The following FRY variants were observed in gnomAD, a reference collection of about 807,000 sequenced individuals.
FRY encodes the protein protein furry homolog.
FRY carries 128 observed loss-of-function variants against 348.4 expected under a neutral mutation model. The observed-to-expected ratio is 0.37, with a 90% confidence interval of 0.32 to 0.43. FRY has a LOEUF of 0.43. Ranked by LOEUF, FRY falls within the 20% of genes least tolerant of loss-of-function variation. The pLI is 1.00. For missense variants in FRY, 2,736 were observed against 3,695.2 expected, an observed-to-expected ratio of 0.74 and a Z score of 6.73; for synonymous variants, 1,370 against 1,374.7, an observed-to-expected ratio of 1.00 and a Z score of 0.08.
chr13:32,034,933 C>T (rs374209850), intron 1 of FRY, among the ~76,000 whole-genome samples: 15 of 152,352 alleles, frequency 9.8e-5, no homozygotes, highest in African/African-American at 3.6e-4. Flanking sequence ...GCCAAATGGG[C>T]TTCAGATCTC....
intron 1 of FRY, among the ~76,000 whole-genome samples, chr13:32,049,904 C>T (rs1873232462): frequency 6.6e-6 from 1 of 152,206 alleles, no homozygotes; most frequent in South Asian, 2.1e-4. Flanking sequence ...TAGGCAGAAG[C>T]AATTATTTGA....
At chr13:32,076,007 CA>C (rs747833377) in intron 1 of FRY, among the ~76,000 whole-genome samples, 125 of 152,256 alleles carry the variant, frequency 8.2e-4, no homozygotes, top group Non-Finnish European at 1.4e-3. Flanking sequence ...CTTTGAAGTT[CA>C]GGTGAATAAT....
At chr13:32,144,901 G>T (rs1255806485) in intron 11 of FRY, among the ~76,000 whole-genome samples, 1 of 152,162 alleles carries the variant, frequency 6.6e-6, no homozygotes, top group East Asian at 1.9e-4. Context: ...GTGAGAGTCA[G>T]GGGACACTCA....
chr13:32,261,188 G>A (rs1887624944), intron 51 of FRY, among the ~76,000 whole-genome samples: 1 of 152,184 alleles, frequency 6.6e-6, no homozygotes, highest in Admixed American at 6.5e-5. Context: ...GCTACAAGCA[G>A]CATAGCTCCT....
At chr13:32,035,701 C>A (rs894947434) in intron 1 of FRY, among the ~76,000 whole-genome samples, 2 of 152,152 alleles carry the variant, frequency 1.3e-5, no homozygotes, top group Non-Finnish European at 2.9e-5. Context: ...AGTGTGAATC[C>A]TTCCTATAAC....
intron 7 of FRY, among the ~76,000 whole-genome samples, chr13:32,128,871 G>A (rs1247837045): frequency 5.3e-5 from 8 of 152,268 alleles, no homozygotes; most frequent in East Asian, 3.9e-4. Context: ...CTGGAATTAC[G>A]GATTCAGTAG....
chr13:32,157,162 G>A, intron 15 of FRY, 111 bp from the exon 16 acceptor site: 1 of 986,000 alleles, frequency 1.0e-6, no homozygotes, highest in Non-Finnish European at 1.6e-6. Flanking sequence ...TTTGCTCAAG[G>A]AAGTCATTGA....
At chr13:32,168,628 C>G (rs1390148297) in intron 17 of FRY, among the ~76,000 whole-genome samples, 1 of 152,228 alleles carries the variant, frequency 6.6e-6, no homozygotes, top group South Asian at 2.1e-4. Context: ...CTTCTTTCAG[C>G]AACTACTGAA....
chr13:32,128,897 T>C (rs1025474976), intron 7 of FRY, among the ~76,000 whole-genome samples: 12 of 152,230 alleles, frequency 7.9e-5, no homozygotes, highest in African/African-American at 2.7e-4. Flanking sequence ...TTATTCTGCT[T>C]AAGCTGCCAT....
intron 16 of FRY, among the ~76,000 whole-genome samples, chr13:32,160,137 C>A (rs887525894): frequency 1.3e-5 from 2 of 152,158 alleles, no homozygotes; most frequent in Admixed American, 6.5e-5. Flanking sequence ...TGATTATGAT[C>A]TTTAGATTAC....
At chr13:32,131,368 T>C (rs1275115380) in intron 7 of FRY, among the ~76,000 whole-genome samples, 1 of 152,120 alleles carries the variant, frequency 6.6e-6, no homozygotes, top group Non-Finnish European at 1.5e-5. Context: ...CCTGAGGAAA[T>C]GGGGTTTTTT....
intron 1 of FRY, among the ~76,000 whole-genome samples, chr13:32,032,968 T>C (rs979743357): frequency 4.6e-5 from 7 of 152,204 alleles, no homozygotes; most frequent in African/African-American, 1.7e-4. Context: ...GGAGAACCTG[T>C]GCTGCAATTG....
intron 2 of FRY, among the ~76,000 whole-genome samples, chr13:32,094,086 A>T (rs1397798320): frequency 6.6e-6 from 1 of 152,096 alleles, no homozygotes; most frequent in Non-Finnish European, 1.5e-5. Flanking sequence ...TTGCTTTACT[A>T]CTTATTTAAT....
chr13:32,228,801 TGAA>T, intron 40 of FRY, 147 bp downstream of exon 40: 1 of 743,516 alleles, frequency 1.3e-6, no homozygotes, highest in Non-Finnish European at 2.4e-6. Flanking sequence ...GGAGTCTGTG[TGAA>T]CAGACACTGA....
intron 1 of FRY, among the ~76,000 whole-genome samples, chr13:32,057,026 G>GACTT (rs1432126703): frequency 1.3e-5 from 2 of 152,254 alleles, no homozygotes; most frequent in African/African-American, 4.8e-5. Flanking sequence ...TTTAAATGGT[G>GACTT]ACTTTTCCTG....
intron 1 of FRY, among the ~76,000 whole-genome samples, chr13:32,042,279 CA>C (rs1291053208): frequency 6.6e-6 from 1 of 152,154 alleles, no homozygotes; most frequent in East Asian, 1.9e-4. Flanking sequence ...ATTTTGAAAT[CA>C]GTGACTTTCA....
Position 32,155,676 on chromosome 13 carries a change from G to C in FRY, c.1651+14G>C. 1 of 1,599,718 alleles carries C rather than the reference G, an allele frequency of 6.3e-7. No homozygotes were observed. The highest frequency in any genetic ancestry group is 1.1e-5 in the South Asian group (1 of 90,512). ...CCAAAATGATAGGTGAGTTTCAGAA[G>C]TGCATAAGAACTAAGCCTTATTAAG... On this transcript the variant is annotated intron_variant, in intron 15 of 60. Coordinates refer to ENST00000542859, the MANE Select transcript of FRY (RefSeq NM_023037.3).
At chr13:32,194,527 A>C (rs1883559630) in intron 29 of FRY, among the ~76,000 whole-genome samples, 1 of 152,134 alleles carries the variant, frequency 6.6e-6, no homozygotes, top group Non-Finnish European at 1.5e-5. Context: ...TTTCTTTTTA[A>C]TTGCCTGGAA....
At position 32,228,661 on chromosome 13, in the gene FRY, AG is replaced by A. The variant is rs1566150232; in HGVS notation, c.5405+11del. On this transcript the variant is annotated splice_region_variant and intron_variant, in intron 40 of 60. Coordinates refer to ENST00000542859, the MANE Select transcript of FRY (RefSeq NM_023037.3). ...TTGAGTTTCTCACGACCAGGTAATA[AG>A]GGGTTAGGAGTCCGCTGCTGTTTGC... 1 of 1,612,770 alleles carries A rather than the reference AG, an allele frequency of 6.2e-7. No homozygotes were observed. The highest frequency in any genetic ancestry group is 1.7e-5 in the Admixed American group (1 of 60,010).
Sources: allele counts gnomAD v4.1 joint callset (sites outside exome capture counted in the v4.1 genomes callset), GRCh38; gene constraint gnomAD v4.1.1; transcripts MANE v1.5; gene names NCBI Gene and HGNC (gene_info 2026-07-23, HGNC 2026-07-21).